The following ZNF697 variants were observed in gnomAD, a reference collection of about 807,000 sequenced individuals.
ZNF697 encodes zinc finger protein 697.
A neutral mutation model predicts 32.4 loss-of-function variants in ZNF697; 23 were observed. The ratio of observed to expected loss-of-function variants is 0.71; its 90% CI spans 0.51 to 1.01. The LOEUF is 1.01. Ranked by LOEUF, ZNF697 falls within the 50% of genes least tolerant of loss-of-function variation. ZNF697 has a pLI of 0.00. For synonymous variants in ZNF697, 418 were observed against 337.2 expected (o/e 1.24, Z -2.62); for missense variants, 930 against 794.0 (o/e 1.17, Z -2.06).
At chr1:119,625,617 A>G (rs1403780549) in intron 2 of ZNF697, among the ~76,000 whole-genome samples, 1 of 152,174 alleles carries the variant, frequency 6.6e-6, no homozygotes, top group African/African-American at 2.4e-5. Context: ...CCAGGGGTTA[A>G]TTTATAGCAG....
At position 119,623,605 on chromosome 1, in the gene ZNF697, G is replaced by A; in HGVS notation, c.738C>T (p.Phe246=). ...GMMGVGVAGG[F]GAGPPLARPP... is the part of the protein sequence containing the mutation. ...GCCGGGCCAGCGGGGGCCCGGCCCC[G>A]AAGCCCCCCGCCACACCCACCCCCA... The change falls in exon 3 of 3, where the codon TTC becomes TTT. Residue 246 remains phenylalanine (F), a synonymous_variant. Transcript: ENST00000421812. 8.0e-7 allele frequency: 1 copy of A among 1,257,518 alleles called. No homozygotes were observed. Among genetic ancestry groups the A allele is most frequent in the Admixed American group, 3.6e-5 (1 of 27,666 alleles). 77.9% of individuals were successfully genotyped at this position (1,257,518 alleles called of 1,614,324 possible).
At chr1:119,626,525 A>G (rs914791165) in intron 1 of ZNF697, among the ~76,000 whole-genome samples, 10 of 152,236 alleles carry the variant, frequency 6.6e-5, no homozygotes, top group Admixed American at 1.3e-4. Context: ...TAAGCAGTAG[A>G]GTGGGGATTA....
intron 1 of ZNF697, among the ~76,000 whole-genome samples, chr1:119,641,140 G>A (rs587676207): frequency 2.0e-5 from 3 of 152,322 alleles, no homozygotes; most frequent in South Asian, 4.1e-4. Flanking sequence ...CACATATTAG[G>A]AAGTAGAGAA....
chr1:119,646,322 AACACAC>A (rs61339576), intron 1 of ZNF697, among the ~76,000 whole-genome samples: 230 of 136,898 alleles, frequency 1.7e-3, no homozygotes, highest in East Asian at 6.3e-3. Context: ...CCCCACTTCC[AACACAC>A]ACACACACAC....
At chr1:119,645,858 A>G (rs377395630) in intron 1 of ZNF697, among the ~76,000 whole-genome samples, 7 of 152,342 alleles carry the variant, frequency 4.6e-5, no homozygotes, top group Non-Finnish European at 1.0e-4. Flanking sequence ...CAGACCTCTT[A>G]CTGACACTGT....
intron 1 of ZNF697, among the ~76,000 whole-genome samples, chr1:119,627,909 C>T (rs2101083190): frequency 6.6e-6 from 1 of 152,256 alleles, no homozygotes; most frequent in Admixed American, 6.5e-5. Context: ...CACTTCTGCC[C>T]ATCACTCTTG....
At chr1:119,637,481 G>T (rs1213194487) in intron 1 of ZNF697, among the ~76,000 whole-genome samples, 1 of 152,190 alleles carries the variant, frequency 6.6e-6, no homozygotes, top group Non-Finnish European at 1.5e-5. Context: ...TCACAAAGGT[G>T]TCAAGTTGGT....
intron 1 of ZNF697, among the ~76,000 whole-genome samples, chr1:119,639,880 A>C (rs1649020633): frequency 6.6e-6 from 1 of 152,108 alleles, no homozygotes; most frequent in South Asian, 2.1e-4. Flanking sequence ...AAACCAAACA[A>C]GATTCTGGAG....
rs978277514 is a variant in ZNF697, at chr1:119,621,008, T to G, written c.*1697A>C. ...CAACTCTAACTTCTAAAGGCTAACC[T>G]AGCACAGGGATCTTCAGCATAAGTA... On this transcript the variant is annotated 3_prime_UTR_variant, in exon 3 of 3. Transcript: ENST00000421812. 6.6e-6 allele frequency: 1 copy of G among 152,136 alleles called. No homozygotes were observed. Among genetic ancestry groups the G allele is most frequent in the African/African-American group, 2.4e-5 (1 of 41,390 alleles). The allele number at this position is 152,136 out of a possible 1,614,324, so 9.4% of individuals were successfully genotyped here.
chr1:119,626,545 GCTGC>G (rs1648596836), intron 1 of ZNF697, among the ~76,000 whole-genome samples: 1 of 152,196 alleles, frequency 6.6e-6, no homozygotes, highest in Admixed American at 6.5e-5. Context: ...AAGCAATTGG[GCTGC>G]CTCAAAGTTC....
At position 119,622,829 on chromosome 1, in the gene ZNF697, C is replaced by T; in HGVS notation, c.1514G>A (p.Ser505Asn). The T allele has an allele frequency of 6.2e-7, 1 of 1,604,128 alleles. No homozygotes were observed. The highest frequency in any genetic ancestry group is 8.5e-7 in the Non-Finnish European group (1 of 1,174,758). ...CIECGKSFIQ[S>N]SHLIRHRRIH... is the part of the protein sequence containing the mutation. The stretch of plus-strand genomic sequence containing the variant: ...GCGGCGGTGGCGGATCAGGTGGGAG[C>T]TCTGGATAAAGCTCTTGCCGCACTC... Residue 505 changes from serine (S) to asparagine (N), a missense_variant, in exon 3 of 3, where the codon AGC becomes AAC. Transcript: ENST00000421812.
At chr1:119,625,177 G>A (rs916090835) in intron 2 of ZNF697, among the ~76,000 whole-genome samples, 1 of 152,134 alleles carries the variant, frequency 6.6e-6, no homozygotes, top group African/African-American at 2.4e-5. Context: ...CTGCGGAGGA[G>A]GGCAGCAGGG....
intron 1 of ZNF697, among the ~76,000 whole-genome samples, chr1:119,636,349 C>T (rs1419952705): frequency 1.3e-5 from 2 of 152,038 alleles, no homozygotes; most frequent in South Asian, 2.1e-4. Context: ...ATCCGTGGAA[C>T]GAAAACAAAA....
At chr1:119,627,539 G>C (rs951576590) in intron 1 of ZNF697, among the ~76,000 whole-genome samples, 1 of 152,222 alleles carries the variant, frequency 6.6e-6, no homozygotes, top group Non-Finnish European at 1.5e-5. Flanking sequence ...TTTTACAAGC[G>C]TGTAATACAC....
chr1:119,630,854 G>T (rs1648741433), intron 1 of ZNF697, among the ~76,000 whole-genome samples: 1 of 152,024 alleles, frequency 6.6e-6, no homozygotes, highest in Non-Finnish European at 1.5e-5. Context: ...TGAGAAACAG[G>T]GCAAGACCCC....
Position 119,626,143 on chromosome 1 carries a change from C to A in ZNF697, c.-37-6G>T. On this transcript the variant is annotated splice_polypyrimidine_tract_variant and splice_region_variant and intron_variant, in intron 1 of 2. Transcript: ENST00000421812. ...AGGGAGGTGACCAGGAATCCCTGCT[C>A]CAGAAAAACACAAAGAAAGGTCACG... 1 of 1,610,576 alleles carries A rather than the reference C, an allele frequency of 6.2e-7. No homozygotes were observed. Among genetic ancestry groups the A allele is most frequent in the South Asian group, 1.1e-5 (1 of 90,714 alleles).
Position 119,622,391 on chromosome 1 carries a change from A to C in ZNF697, c.*314T>G. ...TTGCCCGCCATCCTGTTCCCACCCC[A>C]GCCCACGAACTGCCCTTCCTCAAAG... On this transcript the variant is annotated 3_prime_UTR_variant, in exon 3 of 3. Coordinates refer to ENST00000421812, the MANE Select transcript of ZNF697 (RefSeq NM_001080470.2). The C allele has an allele frequency of 3.4e-6, 1 of 293,720 alleles. No homozygotes were observed. The highest frequency in any genetic ancestry group is 9.8e-5 in the South Asian group (1 of 10,196). 18.2% of individuals were successfully genotyped at this position (293,720 alleles called of 1,614,324 possible).
chr1:119,621,139 A>T lies in ZNF697; in HGVS notation c.*1566T>A, dbSNP rs587632927. On this transcript the variant is annotated 3_prime_UTR_variant, in exon 3 of 3. Transcript: ENST00000421812. ...AAAGACCAGCTTTGTCAATAAGGAC[A>T]TGTTTGGCCCTTCTAGGCTAGCCTT... 1 of 152,292 alleles carries T rather than the reference A, an allele frequency of 6.6e-6. No individual in the cohort carries two copies. Among genetic ancestry groups the T allele is most frequent in the Non-Finnish European group, 1.5e-5 (1 of 67,990 alleles). The allele number at this position is 152,292 out of a possible 1,614,324, so 9.4% of individuals were successfully genotyped here. A position where few individuals can be genotyped will look rare whatever the true frequency, so the allele number is the denominator to read the frequency against.
chr1:119,622,736 A>C lies in ZNF697; in HGVS notation c.1607T>G (p.Leu536Arg). The C allele has an allele frequency of 6.4e-7, 1 of 1,561,772 alleles. No individual in the cohort carries two copies. ...CAGGTGCAGCTTCTGGTGCTGCGCG[A>C]GGTGCGTTTTATAGCGGAAGCCTTT... ...CGKGFRYKTH[L>R]AQHQKLHLC The change falls in exon 3 of 3, where the codon CTC becomes CGC. Residue 536 changes from leucine (L) to arginine (R), a missense_variant. Physicochemically the swap from Leu to Arg is moderately radical, Grantham distance 102. Coordinates refer to ENST00000421812, the MANE Select transcript of ZNF697 (RefSeq NM_001080470.2).
Sources: allele counts gnomAD v4.1 joint callset (sites outside exome capture counted in the v4.1 genomes callset), GRCh38; gene constraint gnomAD v4.1.1; transcripts MANE v1.5; gene names NCBI Gene and HGNC (gene_info 2026-07-23, HGNC 2026-07-21).